Variants in PCNX2 observed in about 807,000 individuals in gnomAD.
PCNX2 encodes the protein pecanex-like protein 2.
A neutral mutation model predicts 223.8 loss-of-function variants in PCNX2; 168 were observed. That is an observed-to-expected ratio of 0.75 (90% CI 0.66 to 0.85). PCNX2 has a LOEUF of 0.85. PCNX2 is among the 40% of genes least tolerant of loss of function. The pLI, the probability that PCNX2 is intolerant of heterozygous loss-of-function variation, is 0.00. For missense variants in PCNX2, 2,507 were observed against 2,675.5 expected (o/e 0.94, Z 1.39); for synonymous variants, 1,006 against 1,052.6 (o/e 0.96, Z 0.86).
intron 26 of PCNX2, among the ~76,000 whole-genome samples, 160 bp from the exon 27 acceptor site, chr1:233,017,314 CTTTTT>C (rs57419971): frequency 1.2e-5 from 1 of 81,950 alleles, no homozygotes. Context: ...CTAAAATGTC[CTTTTT>C]TTTTTTTTTT....
chr1:233,294,838 T>C (rs1305455361), intron 1 of PCNX2, among the ~76,000 whole-genome samples: 2 of 84,306 alleles, frequency 2.4e-5, no homozygotes, highest in African/African-American at 4.0e-5. Context: ...AATTACAATG[T>C]GAGTAACTGA....
At chr1:233,031,743 T>A in intron 25 of PCNX2, 4 of 985,108 alleles carry the variant, frequency 4.1e-6, no homozygotes, top group Non-Finnish European at 4.8e-6. Flanking sequence ...CCATTTGTCT[T>A]TCTGCCAGAC....
chr1:233,148,444 G>GT (rs1326741180), intron 19 of PCNX2, among the ~76,000 whole-genome samples: 2 of 124,556 alleles, frequency 1.6e-5, no homozygotes, highest in Admixed American at 8.0e-5. Context: ...TTTTTTTTTT[G>GT]TTTTTTGAGA....
At chr1:233,236,451 A>G (rs1337849911) in intron 9 of PCNX2, among the ~76,000 whole-genome samples, 1 of 152,182 alleles carries the variant, frequency 6.6e-6, no homozygotes, top group Non-Finnish European at 1.5e-5. Flanking sequence ...ACATTTAAGA[A>G]TCTTTGAATA....
chr1:233,234,852 GC>G (rs912766192), intron 9 of PCNX2, among the ~76,000 whole-genome samples: 3 of 152,158 alleles, frequency 2.0e-5, no homozygotes, highest in Non-Finnish European at 4.4e-5. Flanking sequence ...ATTCCACAGG[GC>G]CCCCACATAC....
chr1:233,237,859 G>A (rs1474957051), intron 8 of PCNX2, among the ~76,000 whole-genome samples: 1 of 152,154 alleles, frequency 6.6e-6, no homozygotes, highest in Non-Finnish European at 1.5e-5. Context: ...CTTGGCTTTG[G>A]AATGAGAAAG....
chr1:233,246,353 C>T (rs545104798), intron 8 of PCNX2, among the ~76,000 whole-genome samples: 14 of 152,336 alleles, frequency 9.2e-5, no homozygotes, highest in African/African-American at 2.9e-4. Flanking sequence ...CTATTTATCA[C>T]ATCTGCCTGG....
chr1:233,146,186 A>G (rs1410397908), intron 19 of PCNX2, among the ~76,000 whole-genome samples: 1 of 152,188 alleles, frequency 6.6e-6, no homozygotes, highest in Non-Finnish European at 1.5e-5. Flanking sequence ...GAAGTGTCAC[A>G]TCATAGAGTA....
At chr1:233,279,273 C>T (rs1369110268) in intron 1 of PCNX2, among the ~76,000 whole-genome samples, 1 of 151,972 alleles carries the variant, frequency 6.6e-6, no homozygotes, top group South Asian at 2.1e-4. Context: ...GGCTGGAGTG[C>T]AGTGGCATGA....
intron 8 of PCNX2, 102 bp downstream of exon 8, chr1:233,250,637 G>C: frequency 7.0e-7 from 1 of 1,428,014 alleles, no homozygotes; most frequent in South Asian, 1.6e-5. Context: ...ACTACAAAGG[G>C]ATTAACACAT....
chr1:232,986,298 G>A lies in PCNX2; in HGVS notation c.6034C>T (p.Arg2012Trp), dbSNP rs769198285. The change falls in exon 33 of 34, where the codon CGG becomes TGG. Residue 2012 changes from arginine (R) to tryptophan (W), a missense_variant. Physicochemically the swap from Arg to Trp is moderately radical, Grantham distance 101. This residue lies in a region of PCNX2 where 1,372 missense variants were observed against 1,509.4 expected (regional missense o/e 0.91). Coordinates refer to ENST00000258229, the MANE Select transcript of PCNX2 (RefSeq NM_014801.4). ...CTGGACCTGATGAGCGCCTCGGCCC[G>A]CTCACGGACACTCAGGTGGCCGGTG... ...TTTGHLSVRERAEALIRSSLG... is the reference protein window; with the variant it reads ...TTTGHLSVREWAEALIRSSLG... The A allele has an allele frequency of 5.7e-6, 9 of 1,572,282 alleles. No homozygotes were observed. The highest frequency in any genetic ancestry group is 2.7e-5 in the African/African-American group (2 of 74,004).
At chr1:233,025,544 C>T (rs1390698037) in intron 25 of PCNX2, 145 bp from the exon 26 acceptor site, 2 of 1,003,116 alleles carry the variant, frequency 2.0e-6, no homozygotes, top group Non-Finnish European at 2.8e-6. Flanking sequence ...CAAATAAGTC[C>T]CCCAAAGAAG....
chr1:233,220,728 A>G (rs1394838373), intron 10 of PCNX2, among the ~76,000 whole-genome samples: 1 of 152,130 alleles, frequency 6.6e-6, no homozygotes, highest in Non-Finnish European at 1.5e-5. Flanking sequence ...ACATTTTTTA[A>G]CGAATGAAAA....
chr1:233,163,364 G>A (rs1270940394), intron 17 of PCNX2, among the ~76,000 whole-genome samples: 1 of 151,808 alleles, frequency 6.6e-6, no homozygotes, highest in Non-Finnish European at 1.5e-5. Context: ...GCTCACACCT[G>A]TGGTCCCAGC....
At chr1:233,040,664 G>A (rs933276082) in intron 25 of PCNX2, among the ~76,000 whole-genome samples, 5 of 151,974 alleles carry the variant, frequency 3.3e-5, no homozygotes, top group Admixed American at 6.6e-5. Context: ...TAAAGATTGT[G>A]GCTCTAGCTC....
At chr1:233,115,895 C>T (rs1235208956) in intron 21 of PCNX2, among the ~76,000 whole-genome samples, 2 of 152,082 alleles carry the variant, frequency 1.3e-5, no homozygotes, top group Admixed American at 1.3e-4. Flanking sequence ...CATAACTCAA[C>T]TATATGCTGT....
At chr1:233,024,430 T>A (rs12403506) in intron 26 of PCNX2, among the ~76,000 whole-genome samples, 1,712 of 152,084 alleles carry the variant, frequency 0.011, 94 homozygotes, top group Admixed American at 0.091. Flanking sequence ...CCATGCCAAG[T>A]CCCCCCATAC....
rs1679405420 is a variant in PCNX2 at position 233,175,132 on chromosome 1, A to G, written c.3273+2670T>C. ...GACAGACAGAGAAAATAAGAGCTGG[A>G]GACACAGAGAAACAAAATCAGAGAC... is the stretch of plus-strand genomic sequence containing the variant. On this transcript the variant is annotated intron_variant, in intron 17 of 33. Transcript: ENST00000258229. Among the ~76,000 whole-genome samples, 2 of 152,046 alleles carry G rather than the reference A, an allele frequency of 1.3e-5. 1 individual carries two copies. Among genetic ancestry groups the G allele is most frequent in the South Asian group, 4.1e-4 (2 of 4,828 alleles).
chr1:233,020,078 C>T (rs1670827013), intron 26 of PCNX2, among the ~76,000 whole-genome samples: 1 of 152,160 alleles, frequency 6.6e-6, no homozygotes, highest in African/African-American at 2.4e-5. Flanking sequence ...CGTTTTCATT[C>T]ATTGCTAGGG....
Sources: allele counts gnomAD v4.1 joint callset (sites outside exome capture counted in the v4.1 genomes callset), GRCh38; gene constraint gnomAD v4.1.1; regional missense constraint gnomAD v4.1.1; transcripts MANE v1.5; gene names NCBI Gene and HGNC (gene_info 2026-07-23, HGNC 2026-07-21).